The following CYFIP2 variants were observed in gnomAD, a reference collection of about 807,000 sequenced individuals.
The protein encoded by CYFIP2 is cytoplasmic FMR1-interacting protein 2.
Under a neutral mutation model 158.7 loss-of-function variants are expected in CYFIP2, and 29 were observed. That is an observed-to-expected ratio of 0.18 (90% CI 0.14 to 0.25). CYFIP2 has a LOEUF of 0.25. Among genes scored for constraint, CYFIP2 ranks in the 10% least tolerant of loss-of-function variants. The pLI is 1.00. For synonymous variants in CYFIP2, 585 were observed against 617.6 expected, an observed-to-expected ratio of 0.95 and a Z score of 0.78; for missense variants, 852 against 1,639.5, an observed-to-expected ratio of 0.52 and a Z score of 8.29.
At chr5:157,267,326 G>T (rs1340954178) in intron 1 of CYFIP2, among the ~76,000 whole-genome samples, 1 of 152,192 alleles carries the variant, frequency 6.6e-6, no homozygotes, top group East Asian at 1.9e-4. Flanking sequence ...GGAGACTGTC[G>T]GTTCCTGTGT....
chr5:157,382,777 AC>A (rs1459897583), intron 27 of CYFIP2, 115 bp downstream of exon 27: 4 of 1,066,994 alleles, frequency 3.7e-6, no homozygotes, highest in Non-Finnish European at 5.5e-6. Context: ...AGCTTTGGAC[AC>A]CTATTGAATA....
intron 1 of CYFIP2, among the ~76,000 whole-genome samples, chr5:157,277,457 G>A (rs754784650): frequency 1.8e-4 from 28 of 152,150 alleles, no homozygotes; most frequent in Admixed American, 5.2e-4. Context: ...ACTTCAGGTC[G>A]TCTCCTCTCT....
rs1767655862 is a variant in CYFIP2, at chr5:157,395,323, T to G, written c.*2323T>G. 2 of 292,638 alleles carry G rather than the reference T, an allele frequency of 6.8e-6. No homozygotes were observed. The highest frequency in any genetic ancestry group is 3.1e-5 in the South Asian group (1 of 31,928). 18.1% of individuals were successfully genotyped at this position (292,638 alleles called of 1,614,324 possible). ...CTAATAACCAGGAAAAAAATAAAGC[T>G]TAGGTTTTAAAAAGTTTTAAAAATA... On this transcript the variant is annotated 3_prime_UTR_variant, in exon 31 of 31. Coordinates refer to ENST00000620254, the MANE Select transcript of CYFIP2 (RefSeq NM_001037333.3).
At chr5:157,300,215 G>C (rs994865851) in intron 5 of CYFIP2, among the ~76,000 whole-genome samples, 2 of 152,140 alleles carry the variant, frequency 1.3e-5, no homozygotes, top group Non-Finnish European at 2.9e-5. Context: ...GTCACATAGA[G>C]GCAGGTTCCA....
At chr5:157,349,238 G>A (rs908346737) in intron 23 of CYFIP2, among the ~76,000 whole-genome samples, 7 of 152,090 alleles carry the variant, frequency 4.6e-5, no homozygotes, top group African/African-American at 7.2e-5. Context: ...AGCAGTATAC[G>A]CTATGCCCAA....
At chr5:157,279,006 G>T (rs1174117485) in intron 1 of CYFIP2, among the ~76,000 whole-genome samples, 7 of 152,130 alleles carry the variant, frequency 4.6e-5, no homozygotes, top group Admixed American at 4.6e-4. Context: ...CCACAGTTTT[G>T]CTATTGCCCA....
chr5:157,307,893 G>T, intron 9 of CYFIP2, 28 bp downstream of exon 9: 1 of 1,323,376 alleles, frequency 7.6e-7, no homozygotes, highest in East Asian at 2.4e-5. Flanking sequence ...GGGCTGGGCA[G>T]AGGGCTGAGG....
chr5:157,370,882 CAT>C (rs1227395603), intron 26 of CYFIP2, among the ~76,000 whole-genome samples: 1 of 152,188 alleles, frequency 6.6e-6, no homozygotes, highest in Non-Finnish European at 1.5e-5. Flanking sequence ...GGAAGTGAAA[CAT>C]AGTAATATAC....
chr5:157,337,982 T>C (rs1006488440), intron 21 of CYFIP2, among the ~76,000 whole-genome samples: 6 of 152,174 alleles, frequency 3.9e-5, no homozygotes, highest in South Asian at 4.1e-4. Context: ...ATTTCCCCTC[T>C]CTGAATGAGG....
intron 23 of CYFIP2, among the ~76,000 whole-genome samples, chr5:157,356,449 A>T (rs1741840354): frequency 6.6e-6 from 1 of 152,200 alleles, no homozygotes; most frequent in African/African-American, 2.4e-5. Flanking sequence ...TTTGGAAGGG[A>T]CGCATTCAGT....
chr5:157,326,046 A>G, intron 17 of CYFIP2, 125 bp from the exon 18 acceptor site: 1 of 760,078 alleles, frequency 1.3e-6, no homozygotes, highest in Non-Finnish European at 2.3e-6. Context: ...CAAGGAACGT[A>G]AGAGAGGGAT....
Position 157,294,521 on chromosome 5 carries a change from T to C in CYFIP2, c.208-262T>C, listed in dbSNP as rs79987017. Among the ~76,000 whole-genome samples the C allele has an allele frequency of 8.3e-3, 1,258 of 152,348 alleles. 24 individuals are homozygous for C. The highest frequency in any genetic ancestry group is 0.029 in the African/African-American group (1,191 of 41,578). On this transcript the variant is annotated intron_variant, in intron 3 of 30. Coordinates refer to ENST00000620254, the MANE Select transcript of CYFIP2 (RefSeq NM_001037333.3). ...ATTCTTTCTAAGGTAGCCATCCATC[T>C]GTTTGGGAAAATGTGGCCTGAGGAT...
Position 157,296,699 on chromosome 5 carries a change from A to G in CYFIP2, c.312A>G (p.Arg104=). 1 of 1,613,788 alleles carries G rather than the reference A, an allele frequency of 6.2e-7. No homozygotes were observed. Among genetic ancestry groups the G allele is most frequent in the Non-Finnish European group, 8.5e-7 (1 of 1,179,730 alleles). The part of the protein sequence containing the change: ...PQVKCNEQPN[R]VEIYEKTVEV... ...TGAAATGCAACGAGCAGCCCAACCG[A>G]GTAGAGATCTATGAGAAGACAGTAG... is the stretch of plus-strand genomic sequence containing the variant. The change falls in exon 5 of 31, where the codon CGA becomes CGG. Residue 104 remains arginine, a synonymous_variant. Coordinates refer to ENST00000620254, the MANE Select transcript of CYFIP2 (RefSeq NM_001037333.3).
intron 20 of CYFIP2, among the ~76,000 whole-genome samples, chr5:157,332,856 T>G (rs1761579114): frequency 6.6e-6 from 1 of 152,180 alleles, no homozygotes; most frequent in African/African-American, 2.4e-5. Flanking sequence ...GTGTTGCCCA[T>G]GCTGGTGTCA....
At chr5:157,351,545 C>T (rs189093728) in intron 23 of CYFIP2, among the ~76,000 whole-genome samples, 26 of 152,334 alleles carry the variant, frequency 1.7e-4, no homozygotes, top group Admixed American at 1.4e-3. Context: ...TCCTTGAGAT[C>T]GGCCTTCTTA....
rs139814241 is a variant in CYFIP2 at position 157,383,750 on chromosome 5, A to G, written c.3207+391A>G. ...ACACTTAACGGAACACTAGATGCTT[A>G]TGTAACATTGTTTGTTAAAGCAAAA... On this transcript the variant is annotated intron_variant, in intron 28 of 30. Transcript: ENST00000620254. Among the ~76,000 whole-genome samples the G allele has an allele frequency of 5.9e-5, 9 of 152,380 alleles. No individual in the cohort carries two copies. In the East Asian group the frequency reaches 1.7e-3, roughly 29 times the overall value.
At chr5:157,307,636 G>GGGGTGTGTGT (rs1554110252) in intron 8 of CYFIP2, 125 bp from the exon 9 acceptor site, 64 of 428,566 alleles carry the variant, frequency 1.5e-4, no homozygotes, top group Admixed American at 3.6e-4. Context: ...GTCTCTACAG[G>GGGGTGTGTGT]GTGTGTGTGT....
intron 23 of CYFIP2, chr5:157,343,684 G>C (rs1465632256): frequency 1.4e-6 from 1 of 713,226 alleles, no homozygotes; most frequent in Non-Finnish European, 2.2e-6. Flanking sequence ...GAGGCCGAGA[G>C]GTTCTGTTAT....
At chr5:157,315,128 C>T (rs767473045) in intron 13 of CYFIP2, 34 bp downstream of exon 13, 17 of 1,611,004 alleles carry the variant, frequency 1.1e-5, no homozygotes, top group Non-Finnish European at 1.4e-5. Context: ...CCCTCCCTCC[C>T]CAAGGCTGCA....
Sources: allele counts gnomAD v4.1 joint callset (sites outside exome capture counted in the v4.1 genomes callset), GRCh38; gene constraint gnomAD v4.1.1; transcripts MANE v1.5; gene names NCBI Gene and HGNC (gene_info 2026-07-23, HGNC 2026-07-21).